Variants in EEA1 observed in about 807,000 individuals in gnomAD.
EEA1 encodes the protein early endosome antigen 1, 162kD.
A neutral mutation model predicts 209.2 loss-of-function variants in EEA1; 111 were observed. The ratio of observed to expected loss-of-function variants is 0.53; its 90% CI spans 0.45 to 0.62. EEA1 has a LOEUF of 0.62. Among genes scored for constraint, EEA1 ranks in the 20% least tolerant of loss-of-function variants. The pLI, the probability that EEA1 is intolerant of heterozygous loss-of-function variation, is 0.00. For synonymous variants in EEA1, 536 were observed against 540.6 expected (o/e 0.99, Z 0.12); for missense variants, 1,343 against 1,530.8 (o/e 0.88, Z 2.05).
At chr12:92,906,971 C>T (rs1880409384) in intron 1 of EEA1, among the ~76,000 whole-genome samples, 1 of 152,152 alleles carries the variant, frequency 6.6e-6, no homozygotes, top group Non-Finnish European at 1.5e-5. Flanking sequence ...GCTTTAAATA[C>T]ATTATGCAAG....
Position 92,777,942 on chromosome 12 carries a change from T to A in EEA1, c.3892A>T (p.Arg1298Ter). The change falls in exon 26 of 29, where the codon AGA becomes TGA. Residue 1298 changes from arginine to a stop codon, truncating the protein, a stop_gained and splice_region_variant. Transcript: ENST00000322349. LOFTEE classifies it high-confidence loss of function. ...NQDERRALLE[R>*]CLKGEGEIEK... ...CTAATTTTACTAGATATCAATCACC[T>A]TTCCAGTAGTGCTCTCCTTTCATCT... 1 of 1,610,260 alleles carries A rather than the reference T, an allele frequency of 6.2e-7. No individual in the cohort carries two copies. The highest frequency in any genetic ancestry group is 8.5e-7 in the Non-Finnish European group (1 of 1,177,090).
At chr12:92,850,838 T>C (rs1877596368) in intron 9 of EEA1, among the ~76,000 whole-genome samples, 1 of 151,976 alleles carries the variant, frequency 6.6e-6, no homozygotes, top group Non-Finnish European at 1.5e-5. Flanking sequence ...TCAACCAACC[T>C]TGAGTAAATT....
At chr12:92,878,535 G>A (rs1225228613) in intron 2 of EEA1, among the ~76,000 whole-genome samples, 12 of 152,034 alleles carry the variant, frequency 7.9e-5, no homozygotes. Context: ...AATAAATTTA[G>A]GACAAATATT....
chr12:92,891,039 G>A (rs1879637055), intron 2 of EEA1, among the ~76,000 whole-genome samples: 1 of 152,034 alleles, frequency 6.6e-6, no homozygotes, highest in South Asian at 2.1e-4. Flanking sequence ...TGAGTGTTAT[G>A]TTCTTCACAT....
chr12:92,835,635 T>A (rs1408511301), intron 10 of EEA1, among the ~76,000 whole-genome samples: 1 of 151,824 alleles, frequency 6.6e-6, no homozygotes, highest in East Asian at 1.9e-4. Flanking sequence ...CTGGTCTCGA[T>A]CTCCTGACCT....
chr12:92,886,396 G>A, intron 2 of EEA1, among the ~76,000 whole-genome samples: 2 of 99,540 alleles, frequency 2.0e-5, no homozygotes, highest in Non-Finnish European at 4.1e-5. Flanking sequence ...GAGAGGGGAG[G>A]GGAGGGGAGG....
chr12:92,776,102 C>G lies in EEA1; in HGVS notation c.4145G>C (p.Cys1382Ser). The change falls in exon 29 of 29, where the codon TGT (cysteine) becomes TCT (serine). Residue 1382 changes from cysteine to serine, a missense_variant. By Grantham distance (112) the Cys-to-Ser change is moderately radical. This residue lies in a region of EEA1 where 28 missense variants were observed against 37.7 expected (regional missense o/e 0.74). Transcript: ENST00000322349. ...HHCRQCGNIFCAECSAKNALT... is the reference protein window; with the variant it reads ...HHCRQCGNIFSAECSAKNALT... ...GGCATTTTTGGCTGAACATTCAGCA[C>G]AGAAGATATTTCCACACTGTCGGCA... is the stretch of plus-strand genomic sequence containing the variant. 1 of 1,610,078 alleles carries G rather than the reference C, an allele frequency of 6.2e-7. No homozygotes were observed. The highest frequency in any genetic ancestry group is 1.7e-4 in the Middle Eastern group (1 of 6,048).
At chr12:92,882,935 T>A (rs997478600) in intron 2 of EEA1, among the ~76,000 whole-genome samples, 2 of 152,228 alleles carry the variant, frequency 1.3e-5, no homozygotes, top group Admixed American at 1.3e-4. Context: ...AGATATATAC[T>A]CAGTAATGGA....
intron 25 of EEA1, among the ~76,000 whole-genome samples, chr12:92,778,715 A>C (rs962870498): frequency 1.3e-4 from 20 of 152,042 alleles, no homozygotes; most frequent in African/African-American, 4.6e-4. Context: ...TAGGAAAGGA[A>C]AAGCAGACTT....
rs1359654519 is a variant in EEA1 at position 92,851,102 on chromosome 12, C to T, written c.798+9G>A. On this transcript the variant is annotated intron_variant, in intron 9 of 28. Coordinates refer to ENST00000322349, the MANE Select transcript of EEA1 (RefSeq NM_003566.4). ...ATGAATCACATTTAAGTACAATGAA[C>T]TTCATTACCTCTGAGCTAGCATATT... is the stretch of plus-strand genomic sequence containing the variant. The T allele has an allele frequency of 6.2e-7, 1 of 1,610,968 alleles. No homozygotes were observed. The highest frequency in any genetic ancestry group is 1.3e-5 in the African/African-American group (1 of 74,738).
rs766358093 is a variant in EEA1 at position 92,782,178 on chromosome 12, T to C, written c.3151-43A>G. 133 of 1,501,934 alleles carry C rather than the reference T, an allele frequency of 8.9e-5. 1 individual carries two copies. Among genetic ancestry groups the C allele is most frequent in the Non-Finnish European group, 8.1e-6 (9 of 1,106,146 alleles). 93.0% of individuals were successfully genotyped at this position (1,501,934 alleles called of 1,614,324 possible). On this transcript the variant is annotated intron_variant, in intron 22 of 28. Coordinates refer to ENST00000322349, the MANE Select transcript of EEA1 (RefSeq NM_003566.4). ...CCCAAATTATTATATGCCATGTTTT[T>C]AGTAAATTCAACAGAAACATAGTTA...
intron 1 of EEA1, among the ~76,000 whole-genome samples, chr12:92,912,302 C>T (rs1335104588): frequency 6.6e-6 from 1 of 151,922 alleles, no homozygotes; most frequent in Non-Finnish European, 1.5e-5. Context: ...GTTTTCATGC[C>T]CTTGTAATTC....
At chr12:92,862,610 T>C (rs1263967896) in intron 3 of EEA1, among the ~76,000 whole-genome samples, 2 of 151,850 alleles carry the variant, frequency 1.3e-5, no homozygotes, top group African/African-American at 2.4e-5. Context: ...AAAAGAATAT[T>C]ATTCTGGCAG....
intron 10 of EEA1, among the ~76,000 whole-genome samples, chr12:92,837,878 T>C (rs1876998442): frequency 6.6e-6 from 1 of 152,126 alleles, no homozygotes; most frequent in Non-Finnish European, 1.5e-5. Flanking sequence ...AGTAAAGAGA[T>C]TCCAAATTCA....
At chr12:92,841,896 G>A (rs532616134) in intron 10 of EEA1, among the ~76,000 whole-genome samples, 23 of 152,250 alleles carry the variant, frequency 1.5e-4, no homozygotes, top group Admixed American at 5.2e-4. Flanking sequence ...TGAAAGCAAC[G>A]TGACAAAGAG....
intron 18 of EEA1, among the ~76,000 whole-genome samples, chr12:92,804,447 CTGTAA>C (rs1875088428): frequency 6.6e-6 from 1 of 151,858 alleles, no homozygotes; most frequent in Non-Finnish European, 1.5e-5. Flanking sequence ...TGGCAGGCAC[CTGTAA>C]TCCCAGCTAC....
rs148435774 is a variant in EEA1 at position 92,844,801 on chromosome 12, G to A, written c.799-2220C>T. Among the ~76,000 whole-genome samples the A allele has an allele frequency of 3.2e-3, 490 of 151,930 alleles. 1 individual carries two copies. The highest frequency in any genetic ancestry group is 0.02 in the Middle Eastern group (6 of 294). On this transcript the variant is annotated intron_variant, in intron 9 of 28. Transcript: ENST00000322349. ...TTTGCACAGGTTCCTGGCACATAAC[G>A]CACAGAAATAATAACAGTATATATT... is the stretch of plus-strand genomic sequence containing the variant.
chr12:92,882,520 G>C (rs1879195141), intron 2 of EEA1, among the ~76,000 whole-genome samples: 1 of 151,908 alleles, frequency 6.6e-6, no homozygotes, highest in South Asian at 2.1e-4. Context: ...TTGTCACCCA[G>C]GTACTAAGTA....
rs180739486 is a variant in EEA1 at position 92,922,273 on chromosome 12, A to C, written c.24+6770T>G. 2.0e-3 allele frequency among the ~76,000 whole-genome samples: 310 copies of C among 152,188 alleles called. 1 individual carries two copies. Among genetic ancestry groups the C allele is most frequent in the Non-Finnish European group, 3.1e-3 (211 of 68,008 alleles). On this transcript the variant is annotated intron_variant, in intron 1 of 28. Transcript: ENST00000322349. ...CTTCCTCCTCTACCCTTAATCTTAC[A>C]TCTATTCCACCACCCTCACAGCTAC...
Sources: gnomAD v4.1 joint callset for allele counts (sites outside exome capture counted in the v4.1 genomes callset) on GRCh38, gnomAD v4.1.1 for gene constraint, gnomAD v4.1.1 regional missense constraint, MANE v1.5 for transcripts, NCBI Gene and HGNC (gene_info 2026-07-23, HGNC 2026-07-21) for gene names.